IFT122: variants seen among roughly 807,000 people sequenced by gnomAD.
IFT122 encodes intraflagellar transport protein 122 homolog.
A neutral mutation model predicts 161.6 loss-of-function variants in IFT122; 118 were observed. That is an observed-to-expected ratio of 0.73 (90% CI 0.63 to 0.85). The LOEUF (loss-of-function observed/expected upper bound fraction) is 0.85. IFT122 is among the 40% of genes least tolerant of loss of function. The probability of loss-of-function intolerance (pLI) is 0.00; values close to 1 mark genes in which losing one functional copy is unlikely to be tolerated. For synonymous variants in IFT122, 550 were observed against 602.4 expected, an observed-to-expected ratio of 0.91 and a Z score of 1.27; for missense variants, 1,381 against 1,579.6, an observed-to-expected ratio of 0.87 and a Z score of 2.13.
Position 129,520,208 on chromosome 3 carries a change from G to T in IFT122, c.3669G>T (p.Val1223=). 1 of 1,612,290 alleles carries T rather than the reference G, an allele frequency of 6.2e-7. No individual in the cohort carries two copies. ...MFHSEDYELL[V]LQHGCCPYCR... ...ATTCTGAGGACTATGAGTTGCTGGT[G>T]CTTCAGCATGGCTGCTGCCCCTACT... Residue 1223 remains valine (V), a synonymous_variant, in exon 30 of 30, where the codon GTG becomes GTT. Transcript: ENST00000348417.
intron 13 of IFT122, 161 bp from the exon 14 acceptor site, chr3:129,481,369 A>C (rs750415370): frequency 3.0e-6 from 2 of 672,876 alleles, no homozygotes; most frequent in East Asian, 3.1e-5. Context: ...ATTGCCCCCC[A>C]CCCCCCTCTT....
chr3:129,506,897 C>T (rs572422805), intron 22 of IFT122, among the ~76,000 whole-genome samples: 3 of 152,302 alleles, frequency 2.0e-5, no homozygotes, highest in Non-Finnish European at 4.4e-5. Flanking sequence ...GATGGCTTTA[C>T]AGTAACACAC....
At chr3:129,467,099 G>C (rs771090115) in intron 8 of IFT122, 33 bp downstream of exon 8, 8 of 1,601,236 alleles carry the variant, frequency 5.0e-6, no homozygotes, top group Non-Finnish European at 6.8e-6. Flanking sequence ...GAACCCTTCT[G>C]GTAAGGGCCC....
rs200606803 is a variant in IFT122 at position 129,519,583 on chromosome 3, T to A, written c.3487T>A (p.Phe1163Ile). 7.5e-4 allele frequency: 1,212 copies of A among 1,613,388 alleles called. 1 individual carries two copies. The highest frequency in any genetic ancestry group is 4.1e-3 in the Middle Eastern group (24 of 5,828). ...KLSFEQGGSE[F>I]VPVVVSRLVL... ...CACCCTGCAGCAAGGTGGCTCAGAG[T>A]TCGTGCCAGTGGTGGTGAGCCGGCT... is the stretch of plus-strand genomic sequence containing the variant. The change falls in exon 29 of 30, where the codon TTC becomes ATC. Residue 1163 changes from phenylalanine (F) to isoleucine (I), a missense_variant. Physicochemically the swap from Phe to Ile is conservative, Grantham distance 21. Coordinates refer to ENST00000348417, the MANE Select transcript of IFT122 (RefSeq NM_052989.3).
chr3:129,450,352 T>C (rs766404479), intron 2 of IFT122, among the ~76,000 whole-genome samples: 43 of 152,242 alleles, frequency 2.8e-4, no homozygotes, highest in Non-Finnish European at 7.3e-5. Flanking sequence ...CAGTTCCATA[T>C]GGATGTTGTC....
chr3:129,461,463 G>T (rs2076209539), intron 5 of IFT122, 159 bp downstream of exon 5: 2 of 695,216 alleles, frequency 2.9e-6, no homozygotes, highest in Non-Finnish European at 5.3e-6. Flanking sequence ...TCTTTAAATT[G>T]TGTGGAAACC....
At chr3:129,509,637 C>T (rs922878297) in intron 23 of IFT122, among the ~76,000 whole-genome samples, 3 of 152,106 alleles carry the variant, frequency 2.0e-5, no homozygotes, top group Admixed American at 1.3e-4. Flanking sequence ...AAACATAAAG[C>T]GAGAAATGCC....
chr3:129,499,523 G>T lies in IFT122; in HGVS notation c.2209-379G>T, dbSNP rs528329340. Among the ~76,000 whole-genome samples, 310 of 152,240 alleles carry T rather than the reference G, an allele frequency of 2.0e-3. 2 individuals are homozygous for T. Among genetic ancestry groups the T allele is most frequent in the African/African-American group, 6.2e-3 (258 of 41,514 alleles). On this transcript the variant is annotated intron_variant, in intron 18 of 29. Transcript: ENST00000348417. ...TGCTGTTTAGGAACAGTCCTGTATTGACCAAACTATGTGAGAGAGAGACAG... is the reference window on the plus strand; with the variant it reads ...TGCTGTTTAGGAACAGTCCTGTATTTACCAAACTATGTGAGAGAGAGACAG...
At chr3:129,514,230 C>CA in intron 24 of IFT122, 159 bp from the exon 25 acceptor site, 1 of 781,328 alleles carries the variant, frequency 1.3e-6, no homozygotes, top group Non-Finnish European at 2.2e-6. Context: ...GAAGTACACT[C>CA]ACCTCTCACA....
intron 1 of IFT122, among the ~76,000 whole-genome samples, chr3:129,442,070 T>C (rs548973310): frequency 6.6e-6 from 1 of 152,222 alleles, no homozygotes; most frequent in South Asian, 2.1e-4. Context: ...TGAAATGGCC[T>C]AATTTTTAAA....
intron 1 of IFT122, among the ~76,000 whole-genome samples, chr3:129,443,694 T>C (rs773880661): frequency 3.3e-5 from 5 of 151,820 alleles, no homozygotes; most frequent in Non-Finnish European, 7.3e-5. Flanking sequence ...CAAGATAATA[T>C]CTAACACAAT....
At chr3:129,488,195 A>C (rs773457779) in intron 15 of IFT122, 62 bp from the exon 16 acceptor site, 2 of 1,612,862 alleles carry the variant, frequency 1.2e-6, no homozygotes, top group Non-Finnish European at 1.7e-6. Flanking sequence ...CTCTGTATGC[A>C]TCTGGTTCTT....
intron 23 of IFT122, among the ~76,000 whole-genome samples, chr3:129,510,606 C>A (rs927053317): frequency 6.6e-6 from 1 of 152,176 alleles, no homozygotes; most frequent in Non-Finnish European, 1.5e-5. Context: ...GCTCTCAGCT[C>A]CTTCCCTCAG....
chr3:129,516,144 G>GCA (rs1282861097), intron 26 of IFT122, among the ~76,000 whole-genome samples: 1 of 121,396 alleles, frequency 8.2e-6, no homozygotes, highest in Non-Finnish European at 1.7e-5. Context: ...GACTGCCCCT[G>GCA]CACACACACA....
Position 129,472,591 on chromosome 3 carries a change from T to G in IFT122, c.816+3174T>G, listed in dbSNP as rs77434755. 8.4e-3 allele frequency among the ~76,000 whole-genome samples: 1,266 copies of G among 151,280 alleles called. 15 individuals are homozygous for G. Among genetic ancestry groups the G allele is most frequent in the Middle Eastern group, 0.014 (4 of 294 alleles). ...TCTTCTTGGTGTTCACTGAGCTTTT[T>G]GAATCTACACATTGATATCGTTCTG... is the stretch of plus-strand genomic sequence containing the variant. On this transcript the variant is annotated intron_variant, in intron 9 of 29. Coordinates refer to ENST00000348417, the MANE Select transcript of IFT122 (RefSeq NM_052989.3).
Position 129,463,676 on chromosome 3 carries a change from G to A in IFT122, c.416+50G>A, listed in dbSNP as rs368851496. On this transcript the variant is annotated intron_variant, in intron 6 of 29. Transcript: ENST00000348417. ...TTTATGTTCCTTCATCTTCCACACA[G>A]ACTCTCAAAATCCAATTATTTCATG... 2.4e-5 allele frequency: 35 copies of A among 1,448,146 alleles called. No individual in the cohort carries two copies. The African/African-American group carries it at 3.5e-4, about 14-fold the overall frequency. 89.7% of individuals were successfully genotyped at this position (1,448,146 alleles called of 1,614,324 possible).
At chr3:129,518,444 C>A (rs57641956) in intron 27 of IFT122, among the ~76,000 whole-genome samples, 4,007 of 152,276 alleles carry the variant, frequency 0.026, 159 homozygotes, top group African/African-American at 0.091. Context: ...CCTTGCAGCT[C>A]CCAGGTGCTG....
chr3:129,504,027 C>T (rs1273261552), intron 20 of IFT122: 3 of 416,332 alleles, frequency 7.2e-6, no homozygotes, highest in African/African-American at 2.0e-5. Flanking sequence ...CAGGAGCCCA[C>T]GCAAACCCTC....
chr3:129,482,418 C>G (rs563093728), intron 14 of IFT122, among the ~76,000 whole-genome samples: 1 of 152,284 alleles, frequency 6.6e-6, no homozygotes, highest in South Asian at 2.1e-4. Context: ...GAAGTTCCCC[C>G]CAAAGCTGGA....
Sources: allele counts gnomAD v4.1 joint callset (sites outside exome capture counted in the v4.1 genomes callset), GRCh38; gene constraint gnomAD v4.1.1; transcripts MANE v1.5; gene names NCBI Gene and HGNC (gene_info 2026-07-23, HGNC 2026-07-21).